Variants in ZSWIM5 observed in about 807,000 individuals in gnomAD.
ZSWIM5 encodes the protein zinc finger SWIM-type containing 5.
A neutral mutation model predicts 119.6 loss-of-function variants in ZSWIM5; 55 were observed. That is an observed-to-expected ratio of 0.46 (90% confidence interval 0.37 to 0.58). ZSWIM5 has a LOEUF of 0.58. Ranked by LOEUF, ZSWIM5 falls within the 20% of genes least tolerant of loss-of-function variation. The pLI is 0.00. For missense variants in ZSWIM5, 1,193 were observed against 1,512.8 expected (o/e 0.79, Z 3.51); for synonymous variants, 537 against 606.9 (o/e 0.88, Z 1.69).
rs759075567 is a variant in ZSWIM5 at position 45,036,008 on chromosome 1, A to G, written c.2155+31T>C. 2.5e-6 allele frequency: 4 copies of G among 1,603,316 alleles called. No homozygotes were observed. The African/African-American group carries it at 5.4e-5, about 21-fold the overall frequency. The stretch of plus-strand genomic sequence containing the variant: ...GGGAGCTCAGGGTCATGGGCCAAAG[A>G]CACCGTGACAAGAGACTCTTTTCTA... On this transcript the variant is annotated intron_variant, in intron 9 of 13. Transcript: ENST00000359600.
At chr1:45,078,109 G>T (rs1257625793) in intron 2 of ZSWIM5, among the ~76,000 whole-genome samples, 3 of 152,176 alleles carry the variant, frequency 2.0e-5, no homozygotes, top group Non-Finnish European at 4.4e-5. Context: ...AAGCACAAGG[G>T]TATTGATTGG....
At chr1:45,162,750 A>T (rs1645871334) in intron 1 of ZSWIM5, among the ~76,000 whole-genome samples, 1 of 152,214 alleles carries the variant, frequency 6.6e-6, no homozygotes, top group Non-Finnish European at 1.5e-5. Flanking sequence ...ATCGAACTGC[A>T]AGGCAGCAGC....
chr1:45,179,264 T>C (rs1458088595), intron 1 of ZSWIM5, among the ~76,000 whole-genome samples: 1 of 152,122 alleles, frequency 6.6e-6, no homozygotes, highest in Non-Finnish European at 1.5e-5. Flanking sequence ...ATATACACCA[T>C]GGAATACTAC....
chr1:45,143,311 G>C (rs760880144), intron 1 of ZSWIM5, among the ~76,000 whole-genome samples: 1 of 151,930 alleles, frequency 6.6e-6, no homozygotes, highest in Non-Finnish European at 1.5e-5. Context: ...ACAACAAAGT[G>C]GGCTTTCTTC....
intron 2 of ZSWIM5, among the ~76,000 whole-genome samples, chr1:45,062,576 C>T (rs1236404370): frequency 1.3e-5 from 2 of 152,168 alleles, no homozygotes; most frequent in South Asian, 2.1e-4. Context: ...TCATGGCTCA[C>T]TGCATCCTCA....
chr1:45,193,991 A>T (rs1646108057), intron 1 of ZSWIM5, among the ~76,000 whole-genome samples: 1 of 151,582 alleles, frequency 6.6e-6, no homozygotes, highest in Non-Finnish European at 1.5e-5. Context: ...ATCCAAATAC[A>T]TGTGATGGTA....
At chr1:45,086,304 A>C (rs1018280962) in intron 2 of ZSWIM5, among the ~76,000 whole-genome samples, 4 of 152,188 alleles carry the variant, frequency 2.6e-5, no homozygotes, top group African/African-American at 9.6e-5. Flanking sequence ...GGAGATTACA[A>C]CTGGATATGA....
intron 1 of ZSWIM5, among the ~76,000 whole-genome samples, chr1:45,122,222 A>G (rs909264685): frequency 6.6e-6 from 1 of 152,226 alleles, no homozygotes; most frequent in African/African-American, 2.4e-5. Context: ...CTGTCACTCA[A>G]CAGCTATATG....
chr1:45,056,402 G>A (rs1393466646), intron 4 of ZSWIM5, among the ~76,000 whole-genome samples: 1 of 152,080 alleles, frequency 6.6e-6, no homozygotes, highest in Non-Finnish European at 1.5e-5. Context: ...AGACCAGCCT[G>A]GCCAACATGG....
intron 1 of ZSWIM5, among the ~76,000 whole-genome samples, chr1:45,164,609 T>G (rs1250985328): frequency 6.6e-6 from 1 of 151,818 alleles, no homozygotes; most frequent in East Asian, 1.9e-4. Context: ...AGGCTCAAAA[T>G]AAAGGGATGG....
chr1:45,066,006 T>TC (rs565255510), intron 2 of ZSWIM5, among the ~76,000 whole-genome samples: 1 of 95,906 alleles, frequency 1.0e-5, no homozygotes, highest in Non-Finnish European at 2.1e-5. Flanking sequence ...ATGCTATCCC[T>TC]CCCCCCTCCC....
chr1:45,194,783 A>C (rs1646112504), intron 1 of ZSWIM5, among the ~76,000 whole-genome samples: 2 of 152,004 alleles, frequency 1.3e-5, no homozygotes, highest in African/African-American at 2.4e-5. Flanking sequence ...AGGCTGAGGC[A>C]GGAGAATGGT....
intron 11 of ZSWIM5, among the ~76,000 whole-genome samples, chr1:45,025,570 G>A (rs1362485392): frequency 2.0e-5 from 3 of 151,910 alleles, no homozygotes; most frequent in African/African-American, 4.8e-5. Context: ...CATTTTTGGG[G>A]TGCTAATGTA....
chr1:45,122,888 CT>C (rs901131347), intron 1 of ZSWIM5, among the ~76,000 whole-genome samples: 1 of 152,126 alleles, frequency 6.6e-6, no homozygotes, highest in African/African-American at 2.4e-5. Context: ...AAGGTGCCCC[CT>C]ATGTCCTCCT....
At chr1:45,168,110 G>A (rs993832329) in intron 1 of ZSWIM5, among the ~76,000 whole-genome samples, 13 of 152,126 alleles carry the variant, frequency 8.5e-5, no homozygotes, top group African/African-American at 2.9e-4. Flanking sequence ...TTAAGAAAAT[G>A]TGGCACATAT....
intron 1 of ZSWIM5, among the ~76,000 whole-genome samples, chr1:45,182,963 C>T (rs1377759316): frequency 6.7e-6 from 1 of 149,302 alleles, no homozygotes; most frequent in Admixed American, 6.7e-5. Context: ...CAGCACCACA[C>T]CACACCTATT....
At chr1:45,144,618 T>A (rs2149035508) in intron 1 of ZSWIM5, among the ~76,000 whole-genome samples, 1 of 152,306 alleles carries the variant, frequency 6.6e-6, no homozygotes, top group East Asian at 1.9e-4. Flanking sequence ...TATATAGGAC[T>A]GGACACTGAA....
Position 45,036,179 on chromosome 1 carries a change from T to C in ZSWIM5, c.2015A>G (p.Gln672Arg). The C allele has an allele frequency of 6.2e-7, 1 of 1,614,150 alleles. No homozygotes were observed. The highest frequency in any genetic ancestry group is 8.5e-7 in the Non-Finnish European group (1 of 1,180,020). The change falls in exon 9 of 14, where the codon CAG becomes CGG. Residue 672 changes from glutamine (Q) to arginine (R), a missense_variant. Coordinates refer to ENST00000359600, the MANE Select transcript of ZSWIM5 (RefSeq NM_020883.2). ...LEVALMGLGQ[Q>R]RLMPEGLYAQ... ...GTAGAGGCCTTCAGGCATTAACCTC[T>C]GTTGACCCAGGCCCATCAGTGCAAC... is the stretch of plus-strand genomic sequence containing the variant.
intron 1 of ZSWIM5, among the ~76,000 whole-genome samples, chr1:45,194,283 T>C (rs1646109360): frequency 6.6e-6 from 1 of 152,190 alleles, no homozygotes; most frequent in African/African-American, 2.4e-5. Context: ...CAATAGATTT[T>C]CCTGTTGCTC....
Sources: gnomAD v4.1 joint callset for allele counts (sites outside exome capture counted in the v4.1 genomes callset) on GRCh38, gnomAD v4.1.1 for gene constraint, MANE v1.5 for transcripts, NCBI Gene and HGNC (gene_info 2026-07-23, HGNC 2026-07-21) for gene names.